NEURL4: variants seen among roughly 807,000 people sequenced by gnomAD.
NEURL4 encodes neuralized-like protein 4.
In NEURL4, 45 loss-of-function variants were observed where a neutral mutation model predicts 148.0. That is an observed-to-expected ratio of 0.30 (90% CI 0.24 to 0.39). The LOEUF (loss-of-function observed/expected upper bound fraction) is 0.39. Ranked by LOEUF, NEURL4 falls within the 10% of genes least tolerant of loss-of-function variation. The pLI is 1.00. For missense variants in NEURL4, 1,776 were observed against 2,144.0 expected (o/e 0.83, Z 3.39); for synonymous variants, 854 against 869.0 (o/e 0.98, Z 0.30).
Position 7,315,904 on chromosome 17 carries a change from T to C in NEURL4, c.*219A>G. ...GGGGTACCAGGGCCTGGAGCTGGGC[T>C]CCCACGACTCCTCCCATCAGACGGA... On this transcript the variant is annotated 3_prime_UTR_variant, in exon 29 of 29. Coordinates refer to ENST00000399464, the MANE Select transcript of NEURL4 (RefSeq NM_032442.3). The C allele has an allele frequency of 1.7e-6, 1 of 595,476 alleles. No homozygotes were observed. The highest frequency in any genetic ancestry group is 2.0e-5 in the South Asian group (1 of 49,876). The allele number at this position is 595,476 out of a possible 1,614,324, so 36.9% of individuals were successfully genotyped here. A position where few individuals can be genotyped will look rare whatever the true frequency, so the allele number is the denominator to read the frequency against.
Position 7,329,100 on chromosome 17 carries a change from G to A in NEURL4, c.213C>T (p.Asn71=). Reference sequence around the variant, plus strand: ...GTTCTCGGCTCAACACCAGCCCGTGGTTAAACTCCTGGCCCGGCTGCTGCC... The same window carrying A: ...GTTCTCGGCTCAACACCAGCCCGTGATTAAACTCCTGGCCCGGCTGCTGCC... ...ARRQQPGQEF[N]HGLVLSREPL... is the part of the protein sequence containing the mutation. Residue 71 remains asparagine (N), a synonymous_variant, in exon 1 of 29, where the codon AAC becomes AAT. Transcript: ENST00000399464. 1 of 1,610,346 alleles carries A rather than the reference G, an allele frequency of 6.2e-7. No homozygotes were observed. Among genetic ancestry groups the A allele is most frequent in the Non-Finnish European group, 8.5e-7 (1 of 1,179,114 alleles).
In NEURL4 at chr17:7,316,030, G is replaced by A. The variant is rs2072938455; in HGVS notation, c.*93C>T. On this transcript the variant is annotated 3_prime_UTR_variant, in exon 29 of 29. Transcript: ENST00000399464. ...CTGCCAAGCTCCAGCACCTGCGCAT[G>A]CCACGAGTCACGGGAATGAGGTGGA... The A allele has an allele frequency of 2.6e-6, 2 of 779,074 alleles. No homozygotes were observed. The highest frequency in any genetic ancestry group is 1.4e-5 in the South Asian group (1 of 69,610). The allele number at this position is 779,074 out of a possible 1,614,324, so 48.3% of individuals were successfully genotyped here. A position where few individuals can be genotyped will look rare whatever the true frequency, so the allele number is the denominator to read the frequency against.
At position 7,317,369 on chromosome 17, in the gene NEURL4, A is replaced by G. The variant is rs897530934; in HGVS notation, c.4320T>C (p.Gly1440=). ...RVLDRGELGA[G]TASILSCRPL... is the part of the protein sequence containing the mutation. ...GACGGCAGCTCAGGATGGAGGCAGT[A>G]CCTGGGAGGAGAACTGGGTCAGGAT... The change falls in exon 28 of 29, where the codon GGT becomes GGC. Residue 1440 remains glycine, a splice_region_variant and synonymous_variant. Transcript: ENST00000399464. 4 of 1,580,164 alleles carry G rather than the reference A, an allele frequency of 2.5e-6. No individual in the cohort carries two copies. The African/African-American group carries it at 5.4e-5, about 21-fold the overall frequency.
Position 7,327,886 on chromosome 17 carries a change from TG to T in NEURL4, c.283-3del. 1 of 1,598,882 alleles carries T rather than the reference TG, an allele frequency of 6.3e-7. No individual in the cohort carries two copies. ...AATGGAGCCGCTCCAGGAGTTGACC[TG>T]GGATAGGGGTATTGGACAGAGGCTT... On this transcript the variant is annotated splice_region_variant and splice_polypyrimidine_tract_variant and intron_variant, in intron 1 of 28. Transcript: ENST00000399464. This position sits in a 1 kb window ranked among gnomAD's most constrained non-coding sequence, Gnocchi z 6.6.
chr17:7,325,010 C>T, intron 8 of NEURL4, 30 bp from the exon 9 acceptor site: 1 of 1,610,832 alleles, frequency 6.2e-7, no homozygotes, highest in Non-Finnish European at 8.5e-7. Context: ...AGAGTCAGAT[C>T]CCCAACACAC....
chr17:7,321,879 C>G lies in NEURL4; in HGVS notation c.2857G>C (p.Glu953Gln). The G allele has an allele frequency of 6.2e-7, 1 of 1,613,726 alleles. No individual in the cohort carries two copies. The highest frequency in any genetic ancestry group is 1.1e-5 in the South Asian group (1 of 91,030). Residue 953 changes from glutamate (E) to glutamine (Q), a missense_variant, in exon 17 of 29, where the codon GAG (glutamate) becomes CAG (glutamine). Glu to Gln is a conservative substitution (Grantham distance 29). Transcript: ENST00000399464. The surrounding 1 kb of genome is among the most constrained non-coding windows in gnomAD (Gnocchi z 6.3). ...CTACGGCCTACCTCAAAGACTTCCTCAGCCCTCAGCTCCTTGGTACTGAAG... is the reference window on the plus strand; with the variant it reads ...CTACGGCCTACCTCAAAGACTTCCTGAGCCCTCAGCTCCTTGGTACTGAAG... The part of the protein sequence containing the change: ...LVFSTKELRA[E>Q]EVFEVKVEEL...
In NEURL4 at chr17:7,325,643, T is replaced by C. The variant is rs987429918; in HGVS notation, c.1364A>G (p.Gln455Arg). The C allele has an allele frequency of 1.2e-6, 2 of 1,613,640 alleles. No homozygotes were observed. The highest frequency in any genetic ancestry group is 2.2e-5 in the East Asian group (1 of 44,858). ...GGCTCTCTCTGGGCGGCCCTTACCC[T>C]GATCGATACCATTAATGAAGAAGTG... ...ALHFFINGID[Q>R]GVATPLTPPV... The change falls in exon 7 of 29, where the codon CAG (glutamine) becomes CGG (arginine). Residue 455 changes from glutamine (Q) to arginine (R), a missense_variant and splice_region_variant. Gln to Arg is a conservative substitution (Grantham distance 43). Coordinates refer to ENST00000399464, the MANE Select transcript of NEURL4 (RefSeq NM_032442.3).
At chr17:7,320,512 C>T (rs2073017254) in intron 21 of NEURL4, among the ~76,000 whole-genome samples, 1 of 152,160 alleles carries the variant, frequency 6.6e-6, no homozygotes, top group Non-Finnish European at 1.5e-5. Flanking sequence ...TCTGCTCCCA[C>T]ATATAGGATC....
At chr17:7,328,389 T>A (rs2073130396) in intron 1 of NEURL4, among the ~76,000 whole-genome samples, 1 of 152,252 alleles carries the variant, frequency 6.6e-6, no homozygotes, top group South Asian at 2.1e-4. Flanking sequence ...GCACAGCCTC[T>A]GTCCTTCAAT....
Position 7,327,152 on chromosome 17 carries a change from C to T in NEURL4, c.793+13G>A. The stretch of plus-strand genomic sequence containing the variant: ...TCCCACTCCCCTTCCCAGGGCCTCC[C>T]CAAAGCCCTCACCATTATGCGACTC... On this transcript the variant is annotated intron_variant, in intron 3 of 28. Coordinates refer to ENST00000399464, the MANE Select transcript of NEURL4 (RefSeq NM_032442.3). The surrounding 1 kb of genome is among the most constrained non-coding windows in gnomAD (Gnocchi z 6.6). 6.2e-7 allele frequency: 1 copy of T among 1,611,714 alleles called. No individual in the cohort carries two copies.
rs534774549 is a variant in NEURL4 at position 7,329,209 on chromosome 17, T to C, written c.104A>G (p.Asn35Ser). The C allele has an allele frequency of 7.0e-5, 109 of 1,562,770 alleles. No individual in the cohort carries two copies. The East Asian group carries it at 1.8e-3, about 25-fold the overall frequency. Residue 35 changes from asparagine to serine, a missense_variant, in exon 1 of 29, where the codon AAC (asparagine) becomes AGC (serine). Physicochemically the swap from Asn to Ser is conservative, Grantham distance 46 (BLOSUM62 1). Coordinates refer to ENST00000399464, the MANE Select transcript of NEURL4 (RefSeq NM_032442.3). ...TTCCCCGCCGCTGCCCAGACCCCCG[T>C]TGGACCCCGGTCCTGAGCCGCTCCC... ...PSGSGSGPGS[N>S]GGLGSGGELH...
In NEURL4 at chr17:7,321,943, C is replaced by G. The variant is rs200957983; in HGVS notation, c.2793G>C (p.Thr931=). ...GKNVTLEEDG[T]RAVRAAGYAH... ...CATAGCCAGCGGCACGCACTGCCCT[C>G]GTGCCATCCTCCTCTAGAGTGACGT... Residue 931 remains threonine, a synonymous_variant, in exon 17 of 29, where the codon ACG becomes ACC. Transcript: ENST00000399464. The surrounding 1 kb of genome is among the most constrained non-coding windows in gnomAD (Gnocchi z 6.3). 406 of 1,613,718 alleles carry G rather than the reference C, an allele frequency of 2.5e-4. 2 individuals are homozygous for G. Among genetic ancestry groups the G allele is most frequent in the Middle Eastern group, 1.5e-3 (9 of 6,084 alleles).
At chr17:7,319,425 G>T (rs2072998347) in intron 21 of NEURL4, among the ~76,000 whole-genome samples, 1 of 143,078 alleles carries the variant, frequency 7.0e-6, no homozygotes, top group African/African-American at 2.7e-5. Context: ...CCGCCAGCCG[G>T]GCATGGTGAC....
chr17:7,323,194 G>T (rs2073055691), intron 14 of NEURL4, 71 bp from the exon 15 acceptor site: 4 of 1,503,852 alleles, frequency 2.7e-6, no homozygotes, highest in Admixed American at 3.5e-5. Flanking sequence ...CCCACTCCCT[G>T]TCTGTCAGAA....
In NEURL4 at chr17:7,322,935, G is replaced by C. The variant is rs1291014304; in HGVS notation, c.2593+13C>G. ...CTGGGCTGAGGGTGGCAGGCTGAAA[G>C]CCACATAGTCACCTTTACCCGGAGG... On this transcript the variant is annotated intron_variant, in intron 15 of 28. Transcript: ENST00000399464. This position sits in a 1 kb window ranked among gnomAD's most constrained non-coding sequence, Gnocchi z 5.5. The C allele has an allele frequency of 3.1e-6, 5 of 1,611,940 alleles. No homozygotes were observed. The African/African-American group carries it at 6.7e-5, about 22-fold the overall frequency.
At chr17:7,316,384 G>A in intron 28 of NEURL4, 57 bp from the exon 29 acceptor site, 4 of 1,421,698 alleles carry the variant, frequency 2.8e-6, no homozygotes, top group South Asian at 1.2e-5. Context: ...CCTCCCCCTT[G>A]CAAAGTCTGT....
rs202135138 is a variant in NEURL4 at position 7,327,591 on chromosome 17, G to T, written c.576C>A (p.Val192=). Residue 192 remains valine, a synonymous_variant, in exon 2 of 29, where the codon GTC becomes GTA. Transcript: ENST00000399464. The surrounding 1 kb of genome is among the most constrained non-coding windows in gnomAD (Gnocchi z 6.6). The stretch of plus-strand genomic sequence containing the variant: ...GGGTGCACTTGCCATAAAGGTCCAC[G>T]ACGGCCCAGACACGAGGGGGCAGGC... ...ATGLPPRVWA[V]VDLYGKCTQI... 1.1e-4 allele frequency: 178 copies of T among 1,611,922 alleles called. No homozygotes were observed. The African/African-American group carries it at 2.2e-3, about 20-fold the overall frequency.
Position 7,322,311 on chromosome 17 carries a change from C to A in NEURL4, c.2726-301G>T, listed in dbSNP as rs534523799. Among the ~76,000 whole-genome samples, 3 of 152,260 alleles carry A rather than the reference C, an allele frequency of 2.0e-5. No homozygotes were observed. In the South Asian group the frequency reaches 6.2e-4, roughly 32 times the overall value. ...TAGCTGGGACCACAGGTGCATGCCACCACACCTGCCTACATTTTGTATTTT... is the reference window on the plus strand; with the variant it reads ...TAGCTGGGACCACAGGTGCATGCCAACACACCTGCCTACATTTTGTATTTT... On this transcript the variant is annotated intron_variant, in intron 16 of 28. Transcript: ENST00000399464. This position sits in a 1 kb window ranked among gnomAD's most constrained non-coding sequence, Gnocchi z 5.5.
rs1040394298 is a variant in NEURL4 at position 7,319,212 on chromosome 17, G to A, written c.3526-4C>T. The A allele has an allele frequency of 1.2e-6, 2 of 1,608,774 alleles. No individual in the cohort carries two copies. The highest frequency in any genetic ancestry group is 1.7e-6 in the Non-Finnish European group (2 of 1,176,766). On this transcript the variant is annotated splice_region_variant and splice_polypyrimidine_tract_variant and intron_variant, in intron 21 of 28. Transcript: ENST00000399464. ...GGTTTAGGAAATCTATCCGCACCTG[G>A]GGAAGAAAGAACTACTCCATAATCA...
Sources: gnomAD v4.1 joint callset for allele counts (sites outside exome capture counted in the v4.1 genomes callset) on GRCh38, gnomAD v4.1.1 for gene constraint, Gnocchi (gnomAD v3.1) non-coding constraint, MANE v1.5 for transcripts, NCBI Gene and HGNC (gene_info 2026-07-23, HGNC 2026-07-21) for gene names.